The following BCKDHB variants were observed in gnomAD, a reference collection of about 807,000 sequenced individuals.
BCKDHB encodes the protein branched chain keto acid dehydrogenase E1 subunit beta.
Under a neutral mutation model 48.5 loss-of-function variants are expected in BCKDHB, and 41 were observed. The ratio of observed to expected loss-of-function variants is 0.85; its 90% confidence interval spans 0.66 to 1.10. The LOEUF is 1.10. Ranked by LOEUF, BCKDHB falls within the 50% of genes least tolerant of loss-of-function variation. The pLI, the probability that BCKDHB is intolerant of heterozygous loss-of-function variation, is 0.00. For synonymous variants in BCKDHB, 201 were observed against 174.8 expected (o/e 1.15, Z -1.18); for missense variants, 496 against 494.2 (o/e 1.00, Z -0.03).
the BCKDHB span, chr6:80,465,707 A>G: frequency 3.3e-5 from 5 of 152,208 alleles, no homozygotes; most frequent in Non-Finnish European, 7.3e-5. Context: ...CACATTTAGC[A>G]AGAGTTTGAA....
At chr6:80,204,507 T>G (rs561280203) in intron 8 of BCKDHB, among the ~76,000 whole-genome samples, 1 of 152,240 alleles carries the variant, frequency 6.6e-6, no homozygotes, top group Non-Finnish European at 1.5e-5. Context: ...TAGAGTTGTC[T>G]TCTTGTTTGC....
intron 8 of BCKDHB, among the ~76,000 whole-genome samples, chr6:80,270,041 A>G (rs73463522): frequency 0.073 from 11,134 of 152,156 alleles, 581 homozygotes; most frequent in South Asian, 0.24. Flanking sequence ...TGTTTTGTAG[A>G]TTTATAATGA....
At chr6:80,388,938 G>A in the BCKDHB span, among the ~76,000 whole-genome samples, 9 of 152,220 alleles carry the variant, frequency 5.9e-5, no homozygotes, top group South Asian at 6.2e-4. Context: ...ATGGCCAGAT[G>A]TGTGATTATA....
intron 6 of BCKDHB, among the ~76,000 whole-genome samples, chr6:80,195,096 T>C (rs1297129785): frequency 1.3e-5 from 2 of 152,182 alleles, no homozygotes; most frequent in African/African-American, 4.8e-5. Context: ...TATTATTTTA[T>C]TTATTGAAAG....
At chr6:80,148,647 C>T (rs1771605440) in intron 3 of BCKDHB, among the ~76,000 whole-genome samples, 1 of 152,018 alleles carries the variant, frequency 6.6e-6, no homozygotes, top group Non-Finnish European at 1.5e-5. Context: ...CAAAATAAAG[C>T]TCTGATCATA....
At chr6:80,278,537 G>A (rs1194876834) in intron 9 of BCKDHB, among the ~76,000 whole-genome samples, 2 of 152,104 alleles carry the variant, frequency 1.3e-5, no homozygotes, top group African/African-American at 4.8e-5. Flanking sequence ...TCCTTTGCTT[G>A]TTTAGTTTCC....
In BCKDHB at chr6:80,345,295, G is replaced by A. The variant is rs540690421; in HGVS notation, c.*1491G>A. On this transcript the variant is annotated 3_prime_UTR_variant, in exon 10 of 10. Coordinates refer to ENST00000320393, the MANE Select transcript of BCKDHB (RefSeq NM_183050.4). ...ATATCTAGTTTTTCCAAAAATGATA[G>A]TAATATCTTTTGAAGAACTATGCTT... The A allele has an allele frequency of 6.6e-6, 1 of 152,250 alleles. No homozygotes were observed. The highest frequency in any genetic ancestry group is 1.5e-5 in the Non-Finnish European group (1 of 68,014). The allele number at this position is 152,250 out of a possible 1,614,324, so 9.4% of individuals were successfully genotyped here. A position where few individuals can be genotyped will look rare whatever the true frequency, so the allele number is the denominator to read the frequency against.
chr6:80,297,833 C>T (rs1767335700), intron 9 of BCKDHB, among the ~76,000 whole-genome samples: 1 of 152,194 alleles, frequency 6.6e-6, no homozygotes, highest in Non-Finnish European at 1.5e-5. Flanking sequence ...TACCAAAGCT[C>T]TCTCATAATG....
At chr6:80,351,925 G>A in the BCKDHB span, among the ~76,000 whole-genome samples, 80 of 151,326 alleles carry the variant, frequency 5.3e-4, no homozygotes, top group African/African-American at 1.9e-3. Context: ...GGGTTCAAGC[G>A]ATTCTCCTGC....
At chr6:80,241,798 T>A (rs766258046) in intron 8 of BCKDHB, among the ~76,000 whole-genome samples, 13 of 152,252 alleles carry the variant, frequency 8.5e-5, no homozygotes, top group Non-Finnish European at 1.8e-4. Flanking sequence ...GTGATCAATC[T>A]GATTGTGTGA....
chr6:80,115,977 C>A (rs1274937300), intron 1 of BCKDHB, among the ~76,000 whole-genome samples: 2 of 152,162 alleles, frequency 1.3e-5, no homozygotes, highest in African/African-American at 4.8e-5. Context: ...AGAGGAAAGC[C>A]AGTGCCGAAC....
chr6:80,132,058 T>C (rs1423699901), intron 3 of BCKDHB, among the ~76,000 whole-genome samples: 2 of 152,124 alleles, frequency 1.3e-5, no homozygotes, highest in African/African-American at 4.8e-5. Flanking sequence ...CTTGAGCTTT[T>C]TAAAATTTTT....
At chr6:80,117,657 C>A (rs1363744300) in intron 1 of BCKDHB, among the ~76,000 whole-genome samples, 2 of 152,224 alleles carry the variant, frequency 1.3e-5, no homozygotes, top group East Asian at 3.9e-4. Flanking sequence ...ATTCTTAAAC[C>A]ACAAACAATA....
chr6:80,111,966 C>T (rs1769433889), intron 1 of BCKDHB, among the ~76,000 whole-genome samples: 1 of 152,174 alleles, frequency 6.6e-6, no homozygotes, highest in South Asian at 2.1e-4. Context: ...ACCATACATA[C>T]TGTGCAATGA....
intron 8 of BCKDHB, among the ~76,000 whole-genome samples, chr6:80,215,398 G>A (rs1775124780): frequency 6.6e-6 from 1 of 152,190 alleles, no homozygotes; most frequent in South Asian, 2.1e-4. Flanking sequence ...ATATTGGGAT[G>A]TGGCTACTAC....
chr6:80,278,836 T>C (rs956205058), intron 9 of BCKDHB, among the ~76,000 whole-genome samples: 1 of 152,312 alleles, frequency 6.6e-6, no homozygotes. Flanking sequence ...TTCCCCATTC[T>C]TTCCTGGGAC....
downstream of BCKDHB, among the ~76,000 whole-genome samples, chr6:80,350,405 A>G (rs954518817): frequency 3.3e-5 from 5 of 151,274 alleles, no homozygotes; most frequent in Admixed American, 2.0e-4. Flanking sequence ...TTTTTTTTCC[A>G]TTTTACTGTA....
At chr6:80,266,102 A>C (rs1777501976) in intron 8 of BCKDHB, among the ~76,000 whole-genome samples, 1 of 152,098 alleles carries the variant, frequency 6.6e-6, no homozygotes, top group Admixed American at 6.6e-5. Context: ...TCAAAAGTAC[A>C]ACTTGGCTTT....
chr6:80,330,512 T>C (rs1769270718), intron 9 of BCKDHB, among the ~76,000 whole-genome samples: 3 of 152,190 alleles, frequency 2.0e-5, no homozygotes, highest in South Asian at 2.1e-4. Flanking sequence ...TGTAAATCTG[T>C]GTATGTGATA....
Sources: allele counts gnomAD v4.1 joint callset (sites outside exome capture counted in the v4.1 genomes callset), GRCh38; gene constraint gnomAD v4.1.1; transcripts MANE v1.5; gene names NCBI Gene and HGNC (gene_info 2026-07-23, HGNC 2026-07-21).